The following TMEM132B variants were observed in gnomAD, a reference collection of about 807,000 sequenced individuals.
TMEM132B encodes transmembrane protein 132B.
TMEM132B carries 18 observed loss-of-function variants against 90.8 expected under a neutral mutation model. The ratio of observed to expected loss-of-function variants is 0.20; its 90% CI spans 0.14 to 0.29. The LOEUF is 0.29. Ranked by LOEUF, TMEM132B falls within the 10% of genes least tolerant of loss-of-function variation. TMEM132B has a pLI of 1.00. For missense variants in TMEM132B, 1,096 were observed against 1,326.8 expected, an observed-to-expected ratio of 0.83 and a Z score of 2.70; for synonymous variants, 504 against 523.3, an observed-to-expected ratio of 0.96 and a Z score of 0.50.
rs371403600 is a variant in TMEM132B, at chr12:125,347,578, G to A, written c.68-1874G>A. Among the ~76,000 whole-genome samples the A allele has an allele frequency of 1.6e-4, 24 of 152,266 alleles. No individual in the cohort carries two copies. The South Asian group carries it at 4.8e-3, about 30-fold the overall frequency. ...ATTTTTAATGGCTGCAGAAAAATAC[G>A]CCACCAGGAGCCAGAGGGAATGGAG... On this transcript the variant is annotated intron_variant, in intron 1 of 8. Coordinates refer to ENST00000682704, the MANE Select transcript of TMEM132B (RefSeq NM_001366854.1).
intron 5 of TMEM132B, among the ~76,000 whole-genome samples, chr12:125,614,100 T>C (rs915126559): frequency 6.6e-6 from 1 of 152,188 alleles, no homozygotes; most frequent in Non-Finnish European, 1.5e-5. Context: ...CTTACAATTA[T>C]GTAATTTCTT....
chr12:125,396,721 G>T (rs986709003), intron 2 of TMEM132B, among the ~76,000 whole-genome samples: 1 of 152,094 alleles, frequency 6.6e-6, no homozygotes, highest in Admixed American at 6.6e-5. Flanking sequence ...TTCCCAGGCT[G>T]GTCTCAAACT....
chr12:125,481,102 G>A (rs941298825), intron 3 of TMEM132B, among the ~76,000 whole-genome samples: 3 of 152,142 alleles, frequency 2.0e-5, no homozygotes, highest in South Asian at 2.1e-4. Flanking sequence ...TTGATGGAAC[G>A]TATCTCAAAA....
At chr12:125,503,113 C>A (rs753159864) in intron 3 of TMEM132B, among the ~76,000 whole-genome samples, 6 of 152,188 alleles carry the variant, frequency 3.9e-5, no homozygotes, top group Admixed American at 3.3e-4. Context: ...TGCCTTAAGA[C>A]GGAGAAGAGT....
At chr12:125,529,008 C>G (rs530443692) in intron 4 of TMEM132B, among the ~76,000 whole-genome samples, 14 of 142,224 alleles carry the variant, frequency 9.8e-5, no homozygotes, top group Non-Finnish European at 1.8e-4. Context: ...CTTCCTTCTT[C>G]TCCTTTCTTC....
intron 5 of TMEM132B, among the ~76,000 whole-genome samples, chr12:125,623,445 T>C (rs1463826965): frequency 2.0e-5 from 3 of 152,038 alleles, no homozygotes; most frequent in Admixed American, 6.5e-5. Flanking sequence ...TATTTTGTTG[T>C]CTTCATATGG....
Position 125,349,973 on chromosome 12 carries a change from G to A in TMEM132B, c.589G>A (p.Glu197Lys), listed in dbSNP as rs868065390. The stretch of plus-strand genomic sequence containing the variant: ...TGTGGCTGAGCTGGAGCTGCTGCCC[G>A]AGTGGTTCAGCTCAGGCCTGGACCT... ...LCVAELELLP[E>K]WFSSGLDLEP... is the part of the protein sequence containing the mutation. Residue 197 changes from glutamate to lysine, a missense_variant, in exon 2 of 9, where the codon GAG becomes AAG. Transcript: ENST00000682704. This position sits in a 1 kb window ranked among gnomAD's most constrained non-coding sequence, Gnocchi z 4.1. 12 of 1,614,066 alleles carry A rather than the reference G, an allele frequency of 7.4e-6. No individual in the cohort carries two copies. Among genetic ancestry groups the A allele is most frequent in the African/African-American group, 1.3e-5 (1 of 74,948 alleles).
chr12:125,219,387 TC>T (rs1043838402), intron 1 of TMEM132B, among the ~76,000 whole-genome samples: 5 of 152,170 alleles, frequency 3.3e-5, no homozygotes, highest in African/African-American at 1.2e-4. Context: ...TTCCTATTAA[TC>T]AGAAGGTTGC....
At chr12:125,249,458 T>C (rs1420319071) in intron 1 of TMEM132B, among the ~76,000 whole-genome samples, 1 of 152,180 alleles carries the variant, frequency 6.6e-6, no homozygotes, top group Non-Finnish European at 1.5e-5. Context: ...TCTAGAAAGT[T>C]GATCTATTAG....
intron 3 of TMEM132B, among the ~76,000 whole-genome samples, chr12:125,495,099 G>A (rs1186247749): frequency 2.2e-5 from 2 of 89,366 alleles, no homozygotes; most frequent in African/African-American, 4.7e-5. Flanking sequence ...GAAAATGGCC[G>A]CATCTCTCCT....
At chr12:125,630,627 G>A (rs1886346262) in intron 5 of TMEM132B, among the ~76,000 whole-genome samples, 1 of 151,970 alleles carries the variant, frequency 6.6e-6, no homozygotes, top group African/African-American at 2.4e-5. Flanking sequence ...GGGTATATGT[G>A]CAGGTTTGTT....
rs192272728 is a variant in TMEM132B, at chr12:125,515,348, T to G, written c.1107-4091T>G. Reference sequence around the variant, plus strand: ...ACAGAAACAACACATTCTGTCACACTCACACACACATTGACACATTCACTC... The same window carrying G: ...ACAGAAACAACACATTCTGTCACACGCACACACACATTGACACATTCACTC... On this transcript the variant is annotated intron_variant, in intron 3 of 8. Coordinates refer to ENST00000682704, the MANE Select transcript of TMEM132B (RefSeq NM_001366854.1). 3.9e-3 allele frequency among the ~76,000 whole-genome samples: 582 copies of G among 150,464 alleles called. 7 individuals carry two copies. The highest frequency in any genetic ancestry group is 0.013 in the African/African-American group (536 of 40,398).
chr12:125,391,478 A>C lies in TMEM132B; in HGVS notation c.960-24053A>C, dbSNP rs760897617. 3.9e-5 allele frequency among the ~76,000 whole-genome samples: 6 copies of C among 152,122 alleles called. No homozygotes were observed. In the South Asian group the frequency reaches 8.3e-4, roughly 21 times the overall value. Reference sequence around the variant, plus strand: ...ACTTGAGGTTACTACCATGGATCTGAGTAGATGGGACATGGGTAGCCTTTT... The same window carrying C: ...ACTTGAGGTTACTACCATGGATCTGCGTAGATGGGACATGGGTAGCCTTTT... On this transcript the variant is annotated intron_variant, in intron 2 of 8. Coordinates refer to ENST00000682704, the MANE Select transcript of TMEM132B (RefSeq NM_001366854.1).
At chr12:125,568,717 T>C (rs1884720425) in intron 4 of TMEM132B, among the ~76,000 whole-genome samples, 1 of 152,232 alleles carries the variant, frequency 6.6e-6, no homozygotes, top group South Asian at 2.1e-4. Flanking sequence ...ACTTTGTAGG[T>C]CACAATGGCT....
intron 1 of TMEM132B, among the ~76,000 whole-genome samples, chr12:125,189,786 C>T (rs1957785529): frequency 6.6e-6 from 1 of 152,096 alleles, no homozygotes; most frequent in Non-Finnish European, 1.5e-5. Context: ...AAAAGAAAAC[C>T]CTCATTTGTT....
intron 1 of TMEM132B, among the ~76,000 whole-genome samples, chr12:125,207,826 T>C (rs1873217940): frequency 6.6e-6 from 1 of 152,250 alleles, no homozygotes; most frequent in African/African-American, 2.4e-5. Context: ...ATTTGTCCTT[T>C]TGTGACGAGC....
intron 4 of TMEM132B, among the ~76,000 whole-genome samples, chr12:125,569,486 A>G (rs371436276): frequency 1.3e-5 from 2 of 152,192 alleles, no homozygotes; most frequent in East Asian, 3.9e-4. Context: ...AAGGTGAAAC[A>G]TTTGTGCAGC....
At chr12:125,412,419 A>G (rs1022190542) in intron 2 of TMEM132B, among the ~76,000 whole-genome samples, 1 of 152,242 alleles carries the variant, frequency 6.6e-6, no homozygotes, top group Admixed American at 6.5e-5. Context: ...TTGTCAGGCA[A>G]TAAATGATGC....
intron 4 of TMEM132B, among the ~76,000 whole-genome samples, chr12:125,559,508 C>T (rs115120064): frequency 0.015 from 2,235 of 152,234 alleles, 45 homozygotes; most frequent in African/African-American, 0.049. Flanking sequence ...AGAGAAGATG[C>T]GAGTTCCTGC....
Sources: gnomAD v4.1 joint callset for allele counts (sites outside exome capture counted in the v4.1 genomes callset) on GRCh38, gnomAD v4.1.1 for gene constraint, Gnocchi (gnomAD v3.1) non-coding constraint, MANE v1.5 for transcripts, NCBI Gene and HGNC (gene_info 2026-07-23, HGNC 2026-07-21) for gene names.